The following RAD18 variants were observed in gnomAD, a reference collection of about 807,000 sequenced individuals.
RAD18 encodes E3 ubiquitin-protein ligase RAD18.
In RAD18, 47 loss-of-function variants were observed where a neutral mutation model predicts 60.4. The ratio of observed to expected loss-of-function variants is 0.78; its 90% confidence interval spans 0.62 to 0.99. The LOEUF is 0.99. RAD18 is among the 50% of genes least tolerant of loss of function. The probability of loss-of-function intolerance (pLI) is 0.00; values close to 1 mark genes in which losing one functional copy is unlikely to be tolerated. For missense variants in RAD18, 640 were observed against 593.3 expected (o/e 1.08, Z -0.82); for synonymous variants, 225 against 195.5 (o/e 1.15, Z -1.26).
At chr3:8,905,210 T>C (rs1176208266) in intron 9 of RAD18, among the ~76,000 whole-genome samples, 1 of 152,240 alleles carries the variant, frequency 6.6e-6, no homozygotes, top group Non-Finnish European at 1.5e-5. Context: ...CGTGGGAGTG[T>C]CCATGACTAA....
At chr3:8,923,499 T>G (rs935828912) in intron 7 of RAD18, among the ~76,000 whole-genome samples, 1 of 152,090 alleles carries the variant, frequency 6.6e-6, no homozygotes, top group African/African-American at 2.4e-5. Flanking sequence ...TGCAGGATAT[T>G]ATCCAGGAGA....
intron 10 of RAD18, among the ~76,000 whole-genome samples, chr3:8,900,846 A>C (rs1020510768): frequency 1.3e-5 from 2 of 152,200 alleles, no homozygotes; most frequent in African/African-American, 4.8e-5. Context: ...TAAAAGCAGC[A>C]ATCACCTCTG....
intron 12 of RAD18, among the ~76,000 whole-genome samples, chr3:8,883,773 C>A (rs1258805943): frequency 2.0e-5 from 3 of 152,190 alleles, no homozygotes; most frequent in Admixed American, 2.0e-4. Flanking sequence ...CCATGGAAAT[C>A]TTATTCTTCA....
At chr3:8,909,520 A>T (rs1428628418) in intron 9 of RAD18, among the ~76,000 whole-genome samples, 3 of 144,304 alleles carry the variant, frequency 2.1e-5, no homozygotes, top group African/African-American at 8.5e-5. Context: ...TGGGCAGATA[A>T]AAAAAAAAAG....
At chr3:8,948,300 A>T (rs1017388133) in intron 3 of RAD18, among the ~76,000 whole-genome samples, 1 of 152,218 alleles carries the variant, frequency 6.6e-6, no homozygotes, top group African/African-American at 2.4e-5. Flanking sequence ...CCTAAAATAC[A>T]TTTAGGTTTT....
At chr3:8,940,849 T>C (rs958311544) in intron 5 of RAD18, among the ~76,000 whole-genome samples, 1 of 152,236 alleles carries the variant, frequency 6.6e-6, no homozygotes, top group Non-Finnish European at 1.5e-5. Flanking sequence ...ACGGATCCTA[T>C]GGCCTCTGTC....
intron 9 of RAD18, among the ~76,000 whole-genome samples, chr3:8,906,792 C>T (rs1251184288): frequency 1.5e-5 from 1 of 66,574 alleles, no homozygotes; most frequent in Non-Finnish European, 3.5e-5. Context: ...GAGGGGGAAA[C>T]AGTTTTTTTT....
At chr3:8,955,939 C>T (rs1206579946) in intron 2 of RAD18, among the ~76,000 whole-genome samples, 1 of 152,142 alleles carries the variant, frequency 6.6e-6, no homozygotes, top group Non-Finnish European at 1.5e-5. Flanking sequence ...CCTATTTATA[C>T]TATGTTTTTT....
intron 3 of RAD18, 24 bp from the exon 4 acceptor site, chr3:8,947,314 G>A: frequency 6.5e-7 from 1 of 1,544,040 alleles, no homozygotes; most frequent in Non-Finnish European, 8.9e-7. Flanking sequence ...ACAACAGATG[G>A]AAAAAGGTCA....
At chr3:8,890,360 A>G in intron 12 of RAD18, 29 bp downstream of exon 12, 1 of 1,511,282 alleles carries the variant, frequency 6.6e-7, no homozygotes, top group Non-Finnish European at 9.2e-7. Flanking sequence ...GTCAAAGTGC[A>G]TGCTTATTTC....
chr3:8,923,035 T>C (rs113469150), intron 7 of RAD18, among the ~76,000 whole-genome samples: 2,266 of 152,240 alleles, frequency 0.015, 55 homozygotes, highest in African/African-American at 0.052. Flanking sequence ...ATGCAGCTCC[T>C]CACCAGCAAC....
chr3:8,885,357 C>G (rs1156443140), intron 12 of RAD18, among the ~76,000 whole-genome samples: 1 of 152,160 alleles, frequency 6.6e-6, no homozygotes, highest in Non-Finnish European at 1.5e-5. Flanking sequence ...TAAGTGCATG[C>G]AAACAACTTC....
rs1009795503 is a variant in RAD18 at position 8,877,262 on chromosome 3, C to G, written c.*4095G>C. 6.5e-6 allele frequency: 1 copy of G among 155,032 alleles called. No homozygotes were observed. The allele number at this position is 155,032 out of a possible 1,614,324, so 9.6% of individuals were successfully genotyped here. On this transcript the variant is annotated 3_prime_UTR_variant, in exon 13 of 13. Transcript: ENST00000264926. ...GGTAAGTCCAAGATCAAGGCACTGG[C>G]AGATTCCGTGTCTGGTGAGGACTGC...
chr3:8,952,667 T>C (rs1940945447), intron 2 of RAD18, among the ~76,000 whole-genome samples: 1 of 152,222 alleles, frequency 6.6e-6, no homozygotes. Context: ...AAATAAACAC[T>C]GCACTTAGTA....
At chr3:8,896,824 T>C (rs985057045) in intron 11 of RAD18, among the ~76,000 whole-genome samples, 9 of 152,132 alleles carry the variant, frequency 5.9e-5, no homozygotes, top group Admixed American at 3.9e-4. Flanking sequence ...TCATTTGCTA[T>C]GTGTGCTGAA....
rs1939456215 is a variant in RAD18 at position 8,881,227 on chromosome 3, A to G, written c.*130T>C. On this transcript the variant is annotated 3_prime_UTR_variant, in exon 13 of 13. Transcript: ENST00000264926. ...CCCTCTGGAAAAGCAGAAAAGAATG[A>G]ATATCAGCTAACCGTAATATTTAGA... 1.3e-6 allele frequency: 1 copy of G among 751,700 alleles called. No homozygotes were observed. 46.6% of individuals were successfully genotyped at this position (751,700 alleles called of 1,614,324 possible).
chr3:8,939,502 C>A, intron 6 of RAD18, 52 bp downstream of exon 6: 2 of 1,451,990 alleles, frequency 1.4e-6, no homozygotes, highest in East Asian at 2.3e-5. Flanking sequence ...CCCAAGTAAG[C>A]ACAAGAGGCA....
chr3:8,957,258 C>T (rs77347467), intron 2 of RAD18, among the ~76,000 whole-genome samples: 3,663 of 152,224 alleles, frequency 0.024, 149 homozygotes, highest in African/African-American at 0.083. Flanking sequence ...CCAAATTGAT[C>T]TCTAGATTCA....
At chr3:8,895,463 A>T (rs896307534) in intron 11 of RAD18, among the ~76,000 whole-genome samples, 13 of 152,318 alleles carry the variant, frequency 8.5e-5, no homozygotes, top group Admixed American at 5.9e-4. Flanking sequence ...ACACTTACTT[A>T]GTAGTTTTTC....
Sources: allele counts gnomAD v4.1 joint callset (sites outside exome capture counted in the v4.1 genomes callset), GRCh38; gene constraint gnomAD v4.1.1; transcripts MANE v1.5; gene names NCBI Gene and HGNC (gene_info 2026-07-23, HGNC 2026-07-21).